The following CFAP96 variants were observed in gnomAD, a reference collection of about 807,000 sequenced individuals.
CFAP96 encodes cilia and flagella associated protein 96.
the CFAP96 span, among the ~76,000 whole-genome samples, chr4:185,448,272 C>T: frequency 1.3e-5 from 2 of 152,284 alleles, no homozygotes; most frequent in Non-Finnish European, 2.9e-5. Flanking sequence ...CCGCCCGCCT[C>T]AGCCTCCCAA....
the CFAP96 span, chr4:185,418,836 A>T: frequency 7.8e-7 from 1 of 1,289,876 alleles, no homozygotes; most frequent in Non-Finnish European, 1.0e-6. Context: ...GGTTCCAAAC[A>T]TACACAAAAG....
At chr4:185,426,946 C>T in the CFAP96 span, among the ~76,000 whole-genome samples, 1 of 148,810 alleles carries the variant, frequency 6.7e-6, no homozygotes, top group South Asian at 2.1e-4. Context: ...TGCTTGTAGT[C>T]CCAGCTACTC....
the CFAP96 span, among the ~76,000 whole-genome samples, chr4:185,428,983 T>G: frequency 6.6e-6 from 1 of 152,246 alleles, no homozygotes; most frequent in Admixed American, 6.5e-5. Flanking sequence ...AATTATGATT[T>G]TAAAATCTAC....
chr4:185,445,547 G>A, the CFAP96 span: 9 of 1,504,358 alleles, frequency 6.0e-6, no homozygotes, highest in Non-Finnish European at 7.3e-6. Flanking sequence ...AATAACCTAT[G>A]AAAATAGAAA....
chr4:185,433,409 AAAAAGAAAAG>A, the CFAP96 span, among the ~76,000 whole-genome samples: 83,310 of 137,684 alleles, frequency 0.61, 27,490 homozygotes, highest in East Asian at 0.85. Context: ...AAAAAAAAAA[AAAAAGAAAAG>A]AAAAGTAATG....
At chr4:185,442,144 T>G in the CFAP96 span, among the ~76,000 whole-genome samples, 10 of 152,134 alleles carry the variant, frequency 6.6e-5, no homozygotes, top group African/African-American at 1.9e-4. Flanking sequence ...TAGTAAGTGG[T>G]CAAGTCTCTT....
the CFAP96 span, among the ~76,000 whole-genome samples, chr4:185,419,219 C>T: frequency 6.6e-6 from 1 of 152,090 alleles, no homozygotes; most frequent in Non-Finnish European, 1.5e-5. Context: ...GCAAGCTCCG[C>T]CTCCCGGGTT....
the CFAP96 span, among the ~76,000 whole-genome samples, chr4:185,410,643 A>G: frequency 6.6e-6 from 1 of 150,786 alleles, no homozygotes; most frequent in African/African-American, 2.4e-5. Context: ...GCAAGACTCC[A>G]TCTCAAAAAA....
the CFAP96 span, among the ~76,000 whole-genome samples, chr4:185,412,665 G>T: frequency 1.3e-5 from 2 of 152,046 alleles, no homozygotes; most frequent in South Asian, 4.2e-4. Flanking sequence ...GGATACAGAG[G>T]GTATGAGGTG....
the CFAP96 span, among the ~76,000 whole-genome samples, chr4:185,430,739 C>T: frequency 1.3e-5 from 2 of 151,278 alleles, no homozygotes; most frequent in African/African-American, 4.9e-5. Flanking sequence ...CCTGTCTCTA[C>T]AAAAAATACA....
At chr4:185,429,278 AGT>A in the CFAP96 span, 1 of 516,594 alleles carries the variant, frequency 1.9e-6, no homozygotes, top group African/African-American at 2.2e-5. Context: ...ACTGGAAATT[AGT>A]AACCACTTTT....
the CFAP96 span, among the ~76,000 whole-genome samples, chr4:185,443,921 C>CTTTTT: frequency 2.1e-4 from 17 of 82,844 alleles, 1 homozygote; most frequent in African/African-American, 4.2e-4. Flanking sequence ...CTATATCTTT[C>CTTTTT]TTTTTTTTTT....
At chr4:185,436,276 T>C in the CFAP96 span, 1 of 1,550,368 alleles carries the variant, frequency 6.5e-7, no homozygotes, top group Non-Finnish European at 8.7e-7. Flanking sequence ...CTTACTTTGC[T>C]TTCTTAGCTA....
At chr4:185,412,801 G>A in the CFAP96 span, among the ~76,000 whole-genome samples, 1 of 152,092 alleles carries the variant, frequency 6.6e-6, no homozygotes, top group Non-Finnish European at 1.5e-5. Context: ...GCTAGTCACA[G>A]GGCTGCTGTT....
the CFAP96 span, among the ~76,000 whole-genome samples, chr4:185,438,803 C>T: frequency 6.6e-6 from 1 of 152,062 alleles, no homozygotes; most frequent in South Asian, 2.1e-4. Context: ...CTGTTTATTC[C>T]CCACTACTGG....
the CFAP96 span, chr4:185,425,963 GC>G: frequency 6.8e-7 from 1 of 1,461,806 alleles, no homozygotes; most frequent in Non-Finnish European, 9.4e-7. Context: ...CAGGGGCGGG[GC>G]CCGGGCGGAC....
At chr4:185,426,963 C>G in the CFAP96 span, among the ~76,000 whole-genome samples, 3 of 148,456 alleles carry the variant, frequency 2.0e-5, no homozygotes, top group Non-Finnish European at 4.4e-5. Context: ...ACTCGGGAGG[C>G]TGAGACAGGA....
chr4:185,427,574 A>T, the CFAP96 span, among the ~76,000 whole-genome samples: 1 of 151,666 alleles, frequency 6.6e-6, no homozygotes, highest in Admixed American at 6.6e-5. Flanking sequence ...AGCCTGACCA[A>T]CATGGTGAAA....
chr4:185,441,285 A>G, the CFAP96 span, among the ~76,000 whole-genome samples: 2 of 152,224 alleles, frequency 1.3e-5, no homozygotes, highest in Non-Finnish European at 2.9e-5. Context: ...CCAGCAGTTT[A>G]TAAACCTTAG....
Sources: gnomAD v4.1 joint callset for allele counts (sites outside exome capture counted in the v4.1 genomes callset) on GRCh38, gnomAD v4.1.1 for gene constraint, MANE v1.5 for transcripts, NCBI Gene and HGNC (gene_info 2026-07-23, HGNC 2026-07-21) for gene names.